The following PIGN variants were observed in gnomAD, a reference collection of about 807,000 sequenced individuals.
The protein encoded by PIGN is GPI ethanolamine phosphate transferase 1.
Under a neutral mutation model 125.4 loss-of-function variants are expected in PIGN, and 117 were observed. The observed-to-expected ratio is 0.93, with a 90% CI of 0.80 to 1.09. PIGN has a LOEUF of 1.09. Among genes scored for constraint, PIGN ranks in the 50% least tolerant of loss-of-function variants. The probability of loss-of-function intolerance (pLI) is 0.00; values close to 1 mark genes in which losing one functional copy is unlikely to be tolerated. For missense variants in PIGN, 1,075 were observed against 1,094.9 expected (o/e 0.98, Z 0.26); for synonymous variants, 392 against 377.8 (o/e 1.04, Z -0.44).
At chr18:62,055,326 CGA>C (rs2031637817) in intron 30 of PIGN, among the ~76,000 whole-genome samples, 1 of 152,060 alleles carries the variant, frequency 6.6e-6, no homozygotes. Flanking sequence ...TAAGAAGTAA[CGA>C]ACTACTGAAA....
chr18:62,070,004 A>C (rs1180863607), intron 30 of PIGN: 1 of 158,482 alleles, frequency 6.3e-6, no homozygotes, highest in African/African-American at 2.4e-5. Flanking sequence ...AAATGCAAGA[A>C]GCACTATAAA....
chr18:62,117,837 C>T (rs953428141), intron 14 of PIGN, among the ~76,000 whole-genome samples: 1 of 151,970 alleles, frequency 6.6e-6, no homozygotes, highest in African/African-American at 2.4e-5. Flanking sequence ...CTGTGGCGGC[C>T]TTATTTCACT....
intron 7 of PIGN, among the ~76,000 whole-genome samples, chr18:62,150,724 G>A (rs950460704): frequency 1.7e-4 from 26 of 151,926 alleles, no homozygotes; most frequent in Admixed American, 7.2e-4. Flanking sequence ...TTTTTGAGAC[G>A]GAGTCTCACT....
chr18:62,128,993 G>T (rs1009607257), intron 14 of PIGN, among the ~76,000 whole-genome samples: 1 of 152,080 alleles, frequency 6.6e-6, no homozygotes, highest in Admixed American at 6.6e-5. Flanking sequence ...TCCCTTCCAA[G>T]GACAATGCAA....
chr18:62,138,706 C>A (rs930586594), intron 13 of PIGN, among the ~76,000 whole-genome samples: 3 of 152,146 alleles, frequency 2.0e-5, no homozygotes, highest in African/African-American at 7.2e-5. Flanking sequence ...TTCTATGGGG[C>A]AAATTCTAAT....
chr18:62,127,508 G>A (rs1459455864), intron 14 of PIGN, among the ~76,000 whole-genome samples: 1 of 151,352 alleles, frequency 6.6e-6, no homozygotes, highest in Non-Finnish European at 1.5e-5. Flanking sequence ...TGTAATAACA[G>A]TACCCGCCAT....
At chr18:62,125,028 C>T (rs1157223881) in intron 14 of PIGN, among the ~76,000 whole-genome samples, 1 of 138,982 alleles carries the variant, frequency 7.2e-6, no homozygotes. Flanking sequence ...CATTAAATTC[C>T]CTTTATATAT....
intron 23 of PIGN, among the ~76,000 whole-genome samples, chr18:62,018,359 G>A (rs181853612): frequency 7.2e-5 from 11 of 152,324 alleles, no homozygotes; most frequent in Admixed American, 6.5e-4. Flanking sequence ...TCAGTGGAAC[G>A]ATTCCGTTTG....
chr18:62,028,512 A>G (rs2030154045), intron 23 of PIGN, among the ~76,000 whole-genome samples: 2 of 152,240 alleles, frequency 1.3e-5, no homozygotes, highest in African/African-American at 4.8e-5. Context: ...CATCTTCTCA[A>G]CAAAGCTTCA....
intron 16 of PIGN, among the ~76,000 whole-genome samples, chr18:62,111,509 C>T (rs971532178): frequency 6.6e-6 from 1 of 152,150 alleles, no homozygotes; most frequent in African/African-American, 2.4e-5. Flanking sequence ...AAACACTTTA[C>T]ATATCTTAAA....
At chr18:62,066,338 C>T (rs532222389) in intron 30 of PIGN, among the ~76,000 whole-genome samples, 29 of 152,336 alleles carry the variant, frequency 1.9e-4, no homozygotes, top group Non-Finnish European at 3.5e-4. Context: ...AAGTCCCAAT[C>T]TCCTTAGGGC....
chr18:62,080,740 G>A (rs1426796921), intron 28 of PIGN, among the ~76,000 whole-genome samples: 3 of 152,104 alleles, frequency 2.0e-5, no homozygotes, highest in Non-Finnish European at 2.9e-5. Context: ...GGTTGCTGAT[G>A]GCATCACAGA....
chr18:62,145,243 T>C (rs1357648023), intron 10 of PIGN, among the ~76,000 whole-genome samples: 1 of 152,152 alleles, frequency 6.6e-6, no homozygotes, highest in Non-Finnish European at 1.5e-5. Flanking sequence ...AATCTGGAAA[T>C]AATCATGGCA....
At chr18:62,088,560 TAC>T in intron 25 of PIGN, 194 bp downstream of exon 25, 3 of 390,886 alleles carry the variant, frequency 7.7e-6, no homozygotes, top group Non-Finnish European at 1.4e-5. Context: ...TATATATATA[TAC>T]ATACATAAAA....
In PIGN at chr18:62,045,991, GA is replaced by G; in HGVS notation, c.2673-13del. On this transcript the variant is annotated splice_polypyrimidine_tract_variant and intron_variant, in intron 30 of 30. Coordinates refer to ENST00000640252, the MANE Select transcript of PIGN (RefSeq NM_176787.5). ...CATAGTGGCTGATGCTGCAAAAGGA[GA>G]AAAAGATGTTACAGGCAGAGAGAAC... 2 of 1,609,940 alleles carry G rather than the reference GA, an allele frequency of 1.2e-6. No homozygotes were observed. The highest frequency in any genetic ancestry group is 2.2e-5 in the South Asian group (2 of 90,082).
chr18:62,046,052 G>A, intron 30 of PIGN, 73 bp from the exon 31 acceptor site: 1 of 1,463,758 alleles, frequency 6.8e-7, no homozygotes, highest in Non-Finnish European at 9.3e-7. Context: ...CCTCTGAATG[G>A]TTTTAAATGG....
rs369656329 is a variant in PIGN, at chr18:62,125,095, T to TATAA, written c.1173-10457_1173-10456insTTAT. On this transcript the variant is annotated intron_variant, in intron 14 of 30. Coordinates refer to ENST00000640252, the MANE Select transcript of PIGN (RefSeq NM_176787.5). Reference sequence around the variant, plus strand: ...ATATACATGTTTGTACATACATGTATATATACACGTTTGTACATATGTGTA... The same window carrying TATAA: ...ATATACATGTTTGTACATACATGTATATAAATATACACGTTTGTACATATGTGTA... Among the ~76,000 whole-genome samples the TATAA allele has an allele frequency of 1.2e-3, 170 of 139,070 alleles. 6 individuals carry two copies. The highest frequency in any genetic ancestry group is 4.5e-3 in the East Asian group (21 of 4,622). The allele number at this position is 139,070 out of a possible 152,430, so 91.2% of individuals were successfully genotyped here.
intron 12 of PIGN, among the ~76,000 whole-genome samples, chr18:62,139,452 T>C (rs765543119): frequency 1.3e-5 from 2 of 152,100 alleles, no homozygotes; most frequent in African/African-American, 2.4e-5. Context: ...ATAATAAGAG[T>C]AAGGACTATT....
intron 28 of PIGN, chr18:62,075,025 G>A (rs2033100999): frequency 2.5e-6 from 1 of 401,320 alleles, no homozygotes; most frequent in Non-Finnish European, 4.5e-6. Context: ...GTTATTAAGT[G>A]CTCTGAATAT....
Sources: gnomAD v4.1 joint callset for allele counts (sites outside exome capture counted in the v4.1 genomes callset) on GRCh38, gnomAD v4.1.1 for gene constraint, MANE v1.5 for transcripts, NCBI Gene and HGNC (gene_info 2026-07-23, HGNC 2026-07-21) for gene names.